FAM81A: variants seen among roughly 807,000 people sequenced by gnomAD.
FAM81A encodes family with sequence similarity 81 member A.
In FAM81A, 19 loss-of-function variants were observed where a neutral mutation model predicts 46.7. That is an observed-to-expected ratio of 0.41 (90% CI 0.28 to 0.60). FAM81A has a LOEUF of 0.60. FAM81A is among the 20% of genes least tolerant of loss of function. FAM81A has a pLI of 0.34. For missense variants in FAM81A, 377 were observed against 453.5 expected (o/e 0.83, Z 1.53); for synonymous variants, 183 against 152.9 (o/e 1.20, Z -1.45).
At chr15:59,421,745 G>GTCTATCTATCTATCTATCTA (rs1242529010) in intron 2 of FAM81A, among the ~76,000 whole-genome samples, 2 of 76,656 alleles carry the variant, frequency 2.6e-5, no homozygotes, top group African/African-American at 8.8e-5. Context: ...CTATCTATCT[G>GTCTATCTATCTATCTATCTA]TCTATCTATC....
chr15:59,492,627 C>A (rs747946170), intron 4 of FAM81A, among the ~76,000 whole-genome samples: 2 of 152,124 alleles, frequency 1.3e-5, no homozygotes, highest in South Asian at 2.1e-4. Flanking sequence ...GATGGGAGAA[C>A]TCACTCAGCT....
intron 3 of FAM81A, among the ~76,000 whole-genome samples, chr15:59,490,903 A>G (rs2081973509): frequency 6.6e-6 from 1 of 152,218 alleles, no homozygotes; most frequent in East Asian, 1.9e-4. Flanking sequence ...TATCCAAAAG[A>G]CAGGCAATAT....
intron 3 of FAM81A, among the ~76,000 whole-genome samples, chr15:59,480,744 G>GCCAT (rs1191481031): frequency 6.6e-6 from 1 of 152,108 alleles, no homozygotes; most frequent in African/African-American, 2.4e-5. Context: ...GAGAAGCAAT[G>GCCAT]CCATATATAA....
intron 2 of FAM81A, among the ~76,000 whole-genome samples, chr15:59,424,214 C>A (rs1242204162): frequency 6.6e-6 from 1 of 152,202 alleles, no homozygotes; most frequent in Non-Finnish European, 1.5e-5. Flanking sequence ...GGTTCATACC[C>A]TCCTTGAAAC....
intron 3 of FAM81A, among the ~76,000 whole-genome samples, chr15:59,469,226 C>G (rs1196984881): frequency 1.3e-5 from 2 of 152,158 alleles, no homozygotes; most frequent in Non-Finnish European, 2.9e-5. Context: ...TCTATTAGGT[C>G]TGCCTGTTGC....
intron 3 of FAM81A, among the ~76,000 whole-genome samples, chr15:59,481,315 C>A (rs113702863): frequency 6.6e-6 from 1 of 152,094 alleles, no homozygotes; most frequent in Non-Finnish European, 1.5e-5. Flanking sequence ...GGTTCTAATA[C>A]AATACCTTAT....
chr15:59,487,094 C>G (rs568750542), intron 3 of FAM81A, among the ~76,000 whole-genome samples: 1 of 149,918 alleles, frequency 6.7e-6, no homozygotes, highest in African/African-American at 2.4e-5. Context: ...ATAGACAGTA[C>G]AATAAGATAT....
intron 2 of FAM81A, among the ~76,000 whole-genome samples, chr15:59,432,458 T>C (rs1473381894): frequency 9.2e-5 from 14 of 152,252 alleles, no homozygotes; most frequent in Non-Finnish European, 1.5e-4. Flanking sequence ...TAGTTCTCAC[T>C]GTGCCATACA....
Position 59,492,374 on chromosome 15 carries a change from G to A in FAM81A, c.398G>A (p.Arg133Gln), listed in dbSNP as rs1359741983. 3 of 1,613,188 alleles carry A rather than the reference G, an allele frequency of 1.9e-6. No individual in the cohort carries two copies. The highest frequency in any genetic ancestry group is 1.3e-5 in the African/African-American group (1 of 75,044). ...CAGCTCTCCGGTTTGGGAGATCTTC[G>A]AGGAAGAGTGGCAAGGTAGGTGTTC... ...MRQLSGLGDL[R>Q]GRVARCDASI... The change falls in exon 4 of 9, where the codon CGA becomes CAA. Residue 133 changes from arginine to glutamine, a missense_variant. Transcript: ENST00000288228.
chr15:59,485,231 A>C (rs1472658584), intron 3 of FAM81A, among the ~76,000 whole-genome samples: 1 of 152,166 alleles, frequency 6.6e-6, no homozygotes, highest in African/African-American at 2.4e-5. Flanking sequence ...TGGCTTCACC[A>C]CTTGCTGATT....
At chr15:59,408,656 A>G (rs996688113) in intron 2 of FAM81A, among the ~76,000 whole-genome samples, 1 of 152,148 alleles carries the variant, frequency 6.6e-6, no homozygotes, top group Non-Finnish European at 1.5e-5. Flanking sequence ...GTGAAAACCC[A>G]TCTGTACTAA....
chr15:59,399,133 C>T lies in FAM81A; in HGVS notation c.-160-3143C>T, dbSNP rs2081059846. Among the ~76,000 whole-genome samples the T allele has an allele frequency of 5.9e-5, 9 of 152,322 alleles. No homozygotes were observed. The South Asian group carries it at 1.9e-3, about 32-fold the overall frequency. ...ATGGTAAGACGAGATCACACCACTG[C>T]ACTCCAGCTTGGGTGACAGAGTGAG... On this transcript the variant is annotated intron_variant, in intron 1 of 4. Transcript: ENST00000558348.
intron 4 of FAM81A, among the ~76,000 whole-genome samples, chr15:59,496,561 C>T (rs1304997536): frequency 6.6e-6 from 1 of 151,934 alleles, no homozygotes; most frequent in Non-Finnish European, 1.5e-5. Context: ...GCCAAGATCT[C>T]GCCACTGCAC....
At chr15:59,481,554 A>G (rs919715349) in intron 3 of FAM81A, among the ~76,000 whole-genome samples, 6 of 151,966 alleles carry the variant, frequency 3.9e-5, no homozygotes, top group South Asian at 2.1e-4. Context: ...TTTATTTTCT[A>G]TGCTTTCTTT....
intron 3 of FAM81A, among the ~76,000 whole-genome samples, chr15:59,468,908 G>A (rs904788594): frequency 1.2e-4 from 19 of 152,134 alleles, no homozygotes; most frequent in Non-Finnish European, 2.6e-4. Flanking sequence ...ATTCTGGTAC[G>A]TTGTGTCTTT....
At chr15:59,494,599 G>A (rs1460585161) in intron 4 of FAM81A, among the ~76,000 whole-genome samples, 1 of 152,134 alleles carries the variant, frequency 6.6e-6, no homozygotes, top group African/African-American at 2.4e-5. Context: ...GGCATCAAAA[G>A]TGTTTGTTAT....
At chr15:59,455,967 A>G (rs1320531459) in intron 1 of FAM81A, among the ~76,000 whole-genome samples, 1 of 152,218 alleles carries the variant, frequency 6.6e-6, no homozygotes, top group Non-Finnish European at 1.5e-5. Flanking sequence ...ACAAACATAT[A>G]TGGATACTTC....
rs146644201 is a variant in FAM81A, at chr15:59,410,165, C to T, written c.-78+7807C>T. On this transcript the variant is annotated intron_variant, in intron 2 of 4. Transcript: ENST00000558348. ...AATACAAATTTGTCAGGCATGGTGG[C>T]GTGCACCTGTAGTCCCAGCTACCTA... Among the ~76,000 whole-genome samples, 7 of 152,070 alleles carry T rather than the reference C, an allele frequency of 4.6e-5. No individual in the cohort carries two copies. The South Asian group carries it at 1.0e-3, about 23-fold the overall frequency.
chr15:59,518,619 T>G (rs1333774483), intron 8 of FAM81A, among the ~76,000 whole-genome samples: 1 of 152,192 alleles, frequency 6.6e-6, no homozygotes, highest in Non-Finnish European at 1.5e-5. Context: ...AGCCGCTGCC[T>G]GGTTGCCCTT....
Sources: allele counts gnomAD v4.1 joint callset (sites outside exome capture counted in the v4.1 genomes callset), GRCh38; gene constraint gnomAD v4.1.1; transcripts MANE v1.5; gene names NCBI Gene and HGNC (gene_info 2026-07-23, HGNC 2026-07-21).